Variants in DHRS4L2 observed in about 807,000 individuals in gnomAD.
DHRS4L2 encodes the protein dehydrogenase/reductase 4 like 2.
DHRS4L2 carries 22 observed loss-of-function variants against 23.9 expected under a neutral mutation model. That is an observed-to-expected ratio of 0.92 (90% CI 0.66 to 1.31). The LOEUF (loss-of-function observed/expected upper bound fraction) is 1.31. Among genes scored for constraint, DHRS4L2 ranks in the 40% most tolerant of loss-of-function variants. The probability of loss-of-function intolerance (pLI) is 0.00; values close to 1 mark genes in which losing one functional copy is unlikely to be tolerated. For synonymous variants in DHRS4L2, 141 were observed against 123.7 expected, an observed-to-expected ratio of 1.14 and a Z score of -0.93; for missense variants, 385 against 303.3, an observed-to-expected ratio of 1.27 and a Z score of -2.00.
chr14:23,995,319 G>A (rs778245836), intron 3 of DHRS4L2, among the ~76,000 whole-genome samples, 186 bp downstream of exon 3: 39 of 151,752 alleles, frequency 2.6e-4, no homozygotes, highest in Admixed American at 6.6e-4. Context: ...CTTCTCATTC[G>A]TTTCTGCTGC....
At chr14:23,987,192 G>T, upstream of DHRS4L2, 1 of 342,470 alleles carries the variant, frequency 2.9e-6, no homozygotes, top group Non-Finnish European at 5.8e-6. Context: ...GTGCAGTGGC[G>T]TGATCTTGGC....
intron 2 of DHRS4L2, among the ~76,000 whole-genome samples, chr14:23,993,726 T>C (rs1315513510): frequency 2.0e-5 from 3 of 151,742 alleles, no homozygotes; most frequent in Admixed American, 2.0e-4. Flanking sequence ...GAATCTTTCA[T>C]GCCTCCAGGT....
At position 23,989,067 on chromosome 14, in the gene DHRS4L2, C is replaced by T. The variant is rs2034210386; in HGVS notation, c.120C>T (p.Ser40=). 6.4e-7 allele frequency: 1 copy of T among 1,574,308 alleles called. No individual in the cohort carries two copies. The highest frequency in any genetic ancestry group is 1.2e-5 in the South Asian group (1 of 86,076). Residue 40 remains serine (S), a synonymous_variant, in exon 1 of 8, where the codon TCC becomes TCT. Transcript: ENST00000335125. The part of the protein sequence containing the change: ...LTNKVALVTA[S]TDGIGFAIAR... ...ATAAGGTGGCCCTGGTAACGGCCTCCACCGACGGGTGAGTGTTGGTGCCGG... is the reference window on the plus strand; with the variant it reads ...ATAAGGTGGCCCTGGTAACGGCCTCTACCGACGGGTGAGTGTTGGTGCCGG...
chr14:23,984,909 AGG>A (rs2034113623), upstream of DHRS4L2, among the ~76,000 whole-genome samples: 1 of 151,462 alleles, frequency 6.6e-6, no homozygotes, highest in African/African-American at 2.4e-5. Flanking sequence ...ATATGGAAGA[AGG>A]GGTCAGGGGG....
chr14:23,983,036 C>G (rs1379382414), intron 1 of DHRS4L2, among the ~76,000 whole-genome samples: 1 of 151,474 alleles, frequency 6.6e-6, no homozygotes, highest in Non-Finnish European at 1.5e-5. Flanking sequence ...CAAATTGGAC[C>G]TGATTAAACT....
intron 3 of DHRS4L2, among the ~76,000 whole-genome samples, chr14:23,999,331 A>G (rs1476632523): frequency 1.4e-5 from 2 of 143,224 alleles, no homozygotes; most frequent in African/African-American, 5.2e-5. Flanking sequence ...GGTTGCCACG[A>G]AACTCCAATT....
upstream of DHRS4L2, among the ~76,000 whole-genome samples, chr14:23,985,106 C>G (rs951913512): frequency 6.6e-6 from 1 of 151,416 alleles, no homozygotes; most frequent in Non-Finnish European, 1.5e-5. Context: ...AGCACAGCAC[C>G]AGGGAGTAAT....
In DHRS4L2 at chr14:24,001,503, A is replaced by C; in HGVS notation, c.651A>C (p.Leu217=). ...GCCTGCACCTGGACTTATCAAGACT[A>C]GCTTCAGCAGGATGGTGAGGAAGGG... is the stretch of plus-strand genomic sequence containing the variant. ...VNCLHLDLSR[L]ASAGCSGWTR... is the part of the protein sequence containing the mutation. Residue 217 remains leucine (L), a synonymous_variant, in exon 6 of 8, where the codon CTA becomes CTC. Transcript: ENST00000335125. 2.5e-6 allele frequency: 4 copies of C among 1,602,836 alleles called. No homozygotes were observed. Among genetic ancestry groups the C allele is most frequent in the Non-Finnish European group, 3.4e-6 (4 of 1,177,638 alleles).
In DHRS4L2 at chr14:24,004,731, A is replaced by G; in HGVS notation, c.*22+339A>G. 7.5e-6 allele frequency: 3 copies of G among 401,066 alleles called. No homozygotes were observed. In the Admixed American group the frequency reaches 1.2e-4, roughly 16 times the overall value. The allele number at this position is 401,066 out of a possible 1,614,324, so 24.8% of individuals were successfully genotyped here. On this transcript the variant is annotated intron_variant, in intron 7 of 7. Coordinates refer to ENST00000335125, the MANE Select transcript of DHRS4L2 (RefSeq NM_198083.4). ...CCATGCTTTGTTAGTCCCCTTGAAT[A>G]ATGACACATGTTTACAAAACTCAGG...
chr14:23,971,222 C>T (rs181806872), intron 1 of DHRS4L2, among the ~76,000 whole-genome samples: 1 of 152,090 alleles, frequency 6.6e-6, no homozygotes, highest in Non-Finnish European at 1.5e-5. Context: ...GGAACATGTT[C>T]TAACCCATTA....
At chr14:23,987,131 GT>G (rs919482266), upstream of DHRS4L2, 20 of 285,344 alleles carry the variant, frequency 7.0e-5, no homozygotes, top group East Asian at 1.6e-4. Flanking sequence ...TGAAATCCTT[GT>G]TTTTTTTCTT....
At chr14:23,997,716 T>C (rs906451173) in intron 3 of DHRS4L2, among the ~76,000 whole-genome samples, 3 of 150,464 alleles carry the variant, frequency 2.0e-5, no homozygotes, top group Non-Finnish European at 4.4e-5. Context: ...CCGCTTCTAG[T>C]TCTCTTGCTA....
At chr14:23,987,767 G>A (rs56171184), upstream of DHRS4L2, among the ~76,000 whole-genome samples, 3,377 of 151,820 alleles carry the variant, frequency 0.022, 110 homozygotes, top group Middle Eastern at 0.054. Context: ...TTCTCATTTT[G>A]CTTTGAACTA....
upstream of DHRS4L2, chr14:23,988,822 G>C (rs374553574): frequency 2.1e-6 from 3 of 1,420,302 alleles, no homozygotes; most frequent in Admixed American, 8.1e-5. Context: ...CGCCACAGAC[G>C]ACTCCCAGCT....
At chr14:23,988,778 G>T (rs1251292294), upstream of DHRS4L2, 87 of 1,404,060 alleles carry the variant, frequency 6.2e-5, no homozygotes, top group Non-Finnish European at 6.8e-5. Context: ...TGGCTGCGGG[G>T]CGGGGCGACT....
intron 2 of DHRS4L2, among the ~76,000 whole-genome samples, chr14:23,991,119 AC>A (rs1487218084): frequency 6.6e-6 from 1 of 151,738 alleles, no homozygotes; most frequent in Non-Finnish European, 1.5e-5. Context: ...GGGAGAATCT[AC>A]CCAAAAATGG....
In DHRS4L2 at chr14:23,988,952, A is replaced by G; in HGVS notation, c.5A>G (p.Gln2Arg). 1 of 1,611,892 alleles carries G rather than the reference A, an allele frequency of 6.2e-7. No homozygotes were observed. The highest frequency in any genetic ancestry group is 2.2e-5 in the East Asian group (1 of 44,866). M[Q>R]MARLLGLCAW... The stretch of plus-strand genomic sequence containing the variant: ...CCAGACTTGCTGGTCTGATCCATGC[A>G]GATGGCCAGGCTGCTAGGCCTCTGT... Residue 2 changes from glutamine (Q) to arginine (R), a missense_variant, in exon 1 of 8, where the codon CAG (glutamine) becomes CGG (arginine). Gln to Arg is a conservative substitution (Grantham distance 43). Transcript: ENST00000335125.
chr14:23,973,238 AC>A (rs2033898922), intron 1 of DHRS4L2, among the ~76,000 whole-genome samples: 2 of 151,826 alleles, frequency 1.3e-5, no homozygotes, highest in South Asian at 4.2e-4. Flanking sequence ...CTTGGACAAT[AC>A]CCTGCTTTCA....
Position 23,990,340 on chromosome 14 carries a change from G to A in DHRS4L2, c.287G>A (p.Arg96Gln), listed in dbSNP as rs750181122. ...TVCHVGKAED[R>Q]ERLVAMAVKL... ...TGCCATGTGGGGAAGGCGGAGGACC[G>A]GGAGCGGCTGGTGGCCATGGTGAGC... is the stretch of plus-strand genomic sequence containing the variant. Residue 96 changes from arginine (R) to glutamine (Q), a missense_variant, in exon 2 of 8, where the codon CGG becomes CAG. Arg to Gln is a conservative substitution (Grantham distance 43). Coordinates refer to ENST00000335125, the MANE Select transcript of DHRS4L2 (RefSeq NM_198083.4). 218 of 1,611,048 alleles carry A rather than the reference G, an allele frequency of 1.4e-4. 3 individuals are homozygous for A. The highest frequency in any genetic ancestry group is 1.7e-4 in the Non-Finnish European group (205 of 1,178,642).
Sources: gnomAD v4.1 joint callset for allele counts (sites outside exome capture counted in the v4.1 genomes callset) on GRCh38, gnomAD v4.1.1 for gene constraint, MANE v1.5 for transcripts, NCBI Gene and HGNC (gene_info 2026-07-23, HGNC 2026-07-21) for gene names.